TERB1: variants seen among roughly 807,000 people sequenced by gnomAD.
TERB1 encodes telomere repeats-binding bouquet formation protein 1.
TERB1 carries 63 observed loss-of-function variants against 92.3 expected under a neutral mutation model. The ratio of observed to expected loss-of-function variants is 0.68; its 90% CI spans 0.56 to 0.84. The LOEUF (loss-of-function observed/expected upper bound fraction) is 0.84. Among genes scored for constraint, TERB1 ranks in the 40% least tolerant of loss-of-function variants. The pLI is 0.00. For missense variants in TERB1, 709 were observed against 843.7 expected, an observed-to-expected ratio of 0.84 and a Z score of 1.98; for synonymous variants, 252 against 283.9, an observed-to-expected ratio of 0.89 and a Z score of 1.13.
chr16:66,761,249 CAAG>C (rs899929154), intron 16 of TERB1, among the ~76,000 whole-genome samples: 1 of 149,768 alleles, frequency 6.7e-6, no homozygotes, highest in African/African-American at 2.5e-5. Context: ...GTCAGGAGTT[CAAG>C]ACCAGCCTGG....
intron 5 of TERB1, 133 bp from the exon 6 acceptor site, chr16:66,788,430 C>A: frequency 1.5e-6 from 1 of 658,518 alleles, no homozygotes; most frequent in South Asian, 2.8e-5. Flanking sequence ...ATTTATTAGT[C>A]ATACAACAAA....
intron 6 of TERB1, 58 bp from the exon 7 acceptor site, chr16:66,786,343 T>C: frequency 1.7e-6 from 2 of 1,171,246 alleles, no homozygotes; most frequent in Non-Finnish European, 2.4e-6. Context: ...CTTGCAGAAA[T>C]GAAGAACAGT....
chr16:66,789,653 T>G (rs1458026399), intron 5 of TERB1, among the ~76,000 whole-genome samples: 1 of 145,920 alleles, frequency 6.9e-6, no homozygotes, highest in African/African-American at 2.5e-5. Context: ...TATATCTTAC[T>G]TATCCCTGTA....
At chr16:66,761,111 A>AAG (rs1458577653) in intron 16 of TERB1, among the ~76,000 whole-genome samples, 18 of 144,912 alleles carry the variant, frequency 1.2e-4, no homozygotes, top group Non-Finnish European at 3.0e-5. Context: ...CTCCACCTCA[A>AAG]AAAAAAAAAA....
At chr16:66,770,908 T>C (rs925709269) in intron 13 of TERB1, among the ~76,000 whole-genome samples, 4 of 151,976 alleles carry the variant, frequency 2.6e-5, no homozygotes, top group Admixed American at 6.6e-5. Context: ...TGGAGTGCAG[T>C]GGCATGATCA....
At chr16:66,762,104 G>C (rs1294207333) in intron 16 of TERB1, among the ~76,000 whole-genome samples, 1 of 152,200 alleles carries the variant, frequency 6.6e-6, no homozygotes, top group Non-Finnish European at 1.5e-5. Context: ...AAGAGTCCCT[G>C]TTAAGGGAAG....
In TERB1 at chr16:66,777,221, G is replaced by A; in HGVS notation, c.967C>T (p.His323Tyr). Residue 323 changes from histidine to tyrosine, a missense_variant, in exon 11 of 19, where the codon CAT becomes TAT. Transcript: ENST00000433154. ...EKFSIMLTLG[H>Y]CTEDCEENQY... ...TACTTACCACAATCCTCTGTGCAAT[G>A]ACCAAGAGTAAGCATGATGCTAAAT... The A allele has an allele frequency of 6.4e-7, 1 of 1,550,564 alleles. No individual in the cohort carries two copies. Among genetic ancestry groups the A allele is most frequent in the Non-Finnish European group, 8.7e-7 (1 of 1,146,394 alleles).
In TERB1 at chr16:66,776,174, G is replaced by C. The variant is rs2018544932; in HGVS notation, c.986-931C>G. On this transcript the variant is annotated intron_variant, in intron 11 of 18. Coordinates refer to ENST00000433154, the MANE Select transcript of TERB1 (RefSeq NM_001136505.2). ...GAGAAACCCCGTCTCTACTAAAAAT[G>C]CATAATTAGCTGGCCCTGGTGGCGC... Among the ~76,000 whole-genome samples, 4 of 151,666 alleles carry C rather than the reference G, an allele frequency of 2.6e-5. No individual in the cohort carries two copies. In the South Asian group the frequency reaches 8.3e-4, roughly 32 times the overall value.
chr16:66,784,330 G>T (rs867145497), intron 9 of TERB1, among the ~76,000 whole-genome samples: 16 of 150,784 alleles, frequency 1.1e-4, no homozygotes, highest in Admixed American at 2.6e-4. Context: ...GTTTTTTTGG[G>T]TTTTTTGTGT....
chr16:66,761,122 A>G (rs1203078341), intron 16 of TERB1, among the ~76,000 whole-genome samples: 4 of 149,548 alleles, frequency 2.7e-5, no homozygotes, highest in Non-Finnish European at 4.4e-5. Flanking sequence ...AAAAAAAAAA[A>G]AAAAGAAAAG....
rs1157649301 is a variant in TERB1, at chr16:66,758,855, A to C, written c.1931-17T>G. The stretch of plus-strand genomic sequence containing the variant: ...GCAGAATTTCTGAAAAATATGGAAA[A>C]CATTTAGCACATTTAGCGTATCAAT... On this transcript the variant is annotated splice_polypyrimidine_tract_variant and intron_variant, in intron 17 of 18. Transcript: ENST00000433154. 27 of 1,433,352 alleles carry C rather than the reference A, an allele frequency of 1.9e-5. No individual in the cohort carries two copies. Among genetic ancestry groups the C allele is most frequent in the Non-Finnish European group, 2.5e-5 (26 of 1,046,738 alleles). The allele number at this position is 1,433,352 out of a possible 1,614,324, so 88.8% of individuals were successfully genotyped here.
rs564926451 is a variant in TERB1 at position 66,780,132 on chromosome 16, G to A, written c.701-1117C>T. 2.0e-5 allele frequency among the ~76,000 whole-genome samples: 3 copies of A among 152,346 alleles called. No homozygotes were observed. In the East Asian group the frequency reaches 5.8e-4, roughly 29 times the overall value. ...CCTGCCTGCCTCGGCCTCCCAAGGT[G>A]TTGGGATTACAGGCGTGAGCCATGG... On this transcript the variant is annotated intron_variant, in intron 9 of 18. Coordinates refer to ENST00000433154, the MANE Select transcript of TERB1 (RefSeq NM_001136505.2).
At chr16:66,784,755 T>A (rs2018696725) in intron 9 of TERB1, among the ~76,000 whole-genome samples, 1 of 149,596 alleles carries the variant, frequency 6.7e-6, no homozygotes, top group Non-Finnish European at 1.5e-5. Flanking sequence ...TTAATTTTTT[T>A]TTTTTTTTTT....
intron 14 of TERB1, 162 bp downstream of exon 14, chr16:66,769,801 T>G (rs2018411759): frequency 1.6e-6 from 1 of 630,126 alleles, no homozygotes; most frequent in East Asian, 2.8e-5. Context: ...CATACCTCCC[T>G]GTCCAAACTC....
chr16:66,766,173 G>A (rs1216943058), intron 16 of TERB1, among the ~76,000 whole-genome samples: 1 of 152,148 alleles, frequency 6.6e-6, no homozygotes, highest in East Asian at 1.9e-4. Context: ...GCCCGGCCGG[G>A]TATTTTTTTA....
chr16:66,772,561 C>T, intron 13 of TERB1, 28 bp downstream of exon 13: 1 of 1,519,632 alleles, frequency 6.6e-7, no homozygotes, highest in African/African-American at 1.4e-5. Flanking sequence ...GAAAAAAGTT[C>T]TATATTCTTT....
intron 16 of TERB1, among the ~76,000 whole-genome samples, chr16:66,762,031 G>A (rs1338797358): frequency 2.6e-5 from 4 of 152,218 alleles, no homozygotes; most frequent in African/African-American, 7.2e-5. Flanking sequence ...CCAGCCTGGC[G>A]ACAGAGTGAG....
intron 13 of TERB1, 119 bp downstream of exon 13, chr16:66,772,470 A>G: frequency 1.1e-6 from 1 of 923,874 alleles, no homozygotes. Flanking sequence ...CAACAGAGCA[A>G]GACTCTGTCT....
At chr16:66,770,727 A>G (rs551581322) in intron 13 of TERB1, among the ~76,000 whole-genome samples, 5 of 152,324 alleles carry the variant, frequency 3.3e-5, no homozygotes, top group East Asian at 3.9e-4. Context: ...TAATTCTTCT[A>G]GAGACCAAAA....
Sources: allele counts gnomAD v4.1 joint callset (sites outside exome capture counted in the v4.1 genomes callset), GRCh38; gene constraint gnomAD v4.1.1; transcripts MANE v1.5; gene names NCBI Gene and HGNC (gene_info 2026-07-23, HGNC 2026-07-21).